The following NBPF10 variants were observed in gnomAD, a reference collection of about 807,000 sequenced individuals.
The protein encoded by NBPF10 is NBPF family member NBPF10.
In NBPF10, 63 loss-of-function variants were observed where a neutral mutation model predicts 77.9. That is an observed-to-expected ratio of 0.81 (90% CI 0.66 to 1.00). NBPF10 has a LOEUF of 1.00. Ranked by LOEUF, NBPF10 falls within the 50% of genes least tolerant of loss-of-function variation. The probability of loss-of-function intolerance (pLI) is 0.00; values close to 1 mark genes in which losing one functional copy is unlikely to be tolerated. For synonymous variants in NBPF10, 146 were observed against 264.5 expected (o/e 0.55, Z 4.35); for missense variants, 522 against 679.8 (o/e 0.77, Z 2.58).
At chr1:146,126,594 A>G (rs1658702780) in intron 13 of NBPF10, among the ~76,000 whole-genome samples, 186 bp from the exon 14 acceptor site, 1 of 78,724 alleles carries the variant, frequency 1.3e-5, no homozygotes, top group Admixed American at 1.7e-4. Context: ...ATGAACGAGA[A>G]AGACACACAC....
At chr1:146,139,092 C>A (rs201206639) in intron 5 of NBPF10, among the ~76,000 whole-genome samples, 1 of 82,452 alleles carries the variant, frequency 1.2e-5, no homozygotes, top group Non-Finnish European at 2.4e-5. Flanking sequence ...CAGAGACTTA[C>A]TTTTTTTTTT....
chr1:146,126,185 C>A (rs1237448250), intron 14 of NBPF10, 51 bp downstream of exon 14: 32 of 1,004,616 alleles, frequency 3.2e-5, no homozygotes, highest in Non-Finnish European at 5.1e-5. Flanking sequence ...GAATATGACC[C>A]TAACCAGAAG....
intron 23 of NBPF10, among the ~76,000 whole-genome samples, chr1:146,118,789 C>CAG (rs781855619): frequency 0.1 from 520 of 4,964 alleles, 166 homozygotes; most frequent in Middle Eastern, 0.14. Flanking sequence ...CACACACACA[C>CAG]AGAGAGAGAG....
chr1:146,123,547 A>G (rs1396748222), intron 17 of NBPF10, among the ~76,000 whole-genome samples: 1 of 105,556 alleles, frequency 9.5e-6, no homozygotes, highest in African/African-American at 4.8e-5. Flanking sequence ...GAACGAGCTC[A>G]GTGAATTGTC....
At chr1:146,084,065 A>C (rs1656515763) in intron 67 of NBPF10, among the ~76,000 whole-genome samples, 156 bp from the exon 68 acceptor site, 1 of 148,862 alleles carries the variant, frequency 6.7e-6, no homozygotes, top group Non-Finnish European at 1.5e-5. Flanking sequence ...TTGGGACAGA[A>C]CAGGGCCAGG....
intron 14 of NBPF10, among the ~76,000 whole-genome samples, chr1:146,125,793 C>G (rs587608503): frequency 1.4e-5 from 2 of 147,024 alleles, no homozygotes; most frequent in African/African-American, 2.6e-5. Flanking sequence ...TTTTTCCAAT[C>G]GATTTAAAGC....
chr1:146,067,153 T>A (rs1553777832), intron 89 of NBPF10, 27 bp downstream of exon 89: 3 of 617,764 alleles, frequency 4.9e-6, no homozygotes, highest in Admixed American at 4.3e-5. Context: ...AACACAGAAC[T>A]AAGGATCCAC....
At chr1:146,126,033 A>G (rs1208209901) in intron 14 of NBPF10, among the ~76,000 whole-genome samples, 2 of 151,760 alleles carry the variant, frequency 1.3e-5, no homozygotes, top group African/African-American at 2.4e-5. Context: ...ATGGCCTGAG[A>G]CTAGGAAGAG....
chr1:146,067,575 G>C (rs1553778188), intron 88 of NBPF10, among the ~76,000 whole-genome samples: 1 of 150,032 alleles, frequency 6.7e-6, no homozygotes, highest in African/African-American at 2.5e-5. Flanking sequence ...TCAACGTAAA[G>C]CAAATACCCT....
At chr1:146,069,611 C>G in exon 86 of NBPF10, 1 of 1,567,686 alleles carries the variant, frequency 6.4e-7, no homozygotes, top group African/African-American at 1.5e-5. Context: ...GTAGGGCTGG[C>G]ATGAGTCACA....
chr1:146,126,612 C>G (rs1658711500), intron 13 of NBPF10, among the ~76,000 whole-genome samples: 1 of 139,134 alleles, frequency 7.2e-6, no homozygotes, highest in Non-Finnish European at 1.6e-5. Context: ...CACACACACA[C>G]ACACACACAC....
chr1:146,067,551 C>A (rs1183318538), intron 88 of NBPF10, among the ~76,000 whole-genome samples: 1 of 149,870 alleles, frequency 6.7e-6, no homozygotes, highest in Non-Finnish European at 1.5e-5. Flanking sequence ...AACAGTTACG[C>A]CATATTTTTC....
At chr1:146,126,153 C>G (rs1298976408) in intron 14 of NBPF10, 83 bp downstream of exon 14, 3 of 884,970 alleles carry the variant, frequency 3.4e-6, no homozygotes, top group African/African-American at 3.3e-5. Flanking sequence ...TCTCTCAGCT[C>G]AGTAACGGCC....
Position 146,129,909 on chromosome 1 carries a change from A to C in NBPF10, c.1638-1627T>G, listed in dbSNP as rs199726878. On this transcript the variant is annotated intron_variant, in intron 11 of 89. Coordinates refer to ENST00000583866, the Ensembl canonical transcript of NBPF10. The stretch of plus-strand genomic sequence containing the variant: ...TTTGTGTGTATGTATATATATATAT[A>C]TATTTTTTAATACTTTAAGTCTTAG... Among the ~76,000 whole-genome samples, 115 of 104,258 alleles carry C rather than the reference A, an allele frequency of 1.1e-3. 21 individuals are homozygous for C. In the South Asian group the frequency reaches 0.018, roughly 16 times the overall value. The allele number at this position is 104,258 out of a possible 152,430, so 68.4% of individuals were successfully genotyped here.
chr1:146,126,169 C>G, intron 14 of NBPF10, 67 bp downstream of exon 14: 1 of 911,894 alleles, frequency 1.1e-6, no homozygotes, highest in South Asian at 1.3e-5. Flanking sequence ...CGGCCACTTG[C>G]AGTAGGAATA....
At chr1:146,136,077 T>C (rs1190167045) in intron 7 of NBPF10, among the ~76,000 whole-genome samples, 11 of 149,036 alleles carry the variant, frequency 7.4e-5, no homozygotes, top group Admixed American at 7.3e-4. Context: ...AATGCTGCTG[T>C]GTGGTTCACA....
At position 146,126,414 on chromosome 1, in the gene NBPF10, A is replaced by G. The variant is rs1553790001; in HGVS notation, c.1854-6T>C. 4.4e-6 allele frequency: 5 copies of G among 1,129,644 alleles called. 1 individual carries two copies. The highest frequency in any genetic ancestry group is 2.5e-5 in the South Asian group (2 of 80,800). The allele number at this position is 1,129,644 out of a possible 1,614,324, so 70.0% of individuals were successfully genotyped here. The stretch of plus-strand genomic sequence containing the variant: ...CCAGCAGCTCCCTGCTGAGCGTGGA[A>G]AAGTAGGAAAAAGTAAAGAATAAGC... On this transcript the variant is annotated splice_region_variant and splice_polypyrimidine_tract_variant and intron_variant, in intron 13 of 89. Transcript: ENST00000583866.
intron 5 of NBPF10, among the ~76,000 whole-genome samples, chr1:146,139,092 CTTTTTT>C (rs782186835): frequency 5.8e-3 from 477 of 82,110 alleles, no homozygotes; most frequent in African/African-American, 0.016. Flanking sequence ...CAGAGACTTA[CTTTTTT>C]TTTTTTTTTT....
intron 14 of NBPF10, among the ~76,000 whole-genome samples, chr1:146,125,893 T>G (rs71255521): frequency 6.6e-6 from 1 of 151,382 alleles, no homozygotes. Flanking sequence ...GCGAGGATTT[T>G]AGACGCTGAA....
Sources: gnomAD v4.1 joint callset for allele counts (sites outside exome capture counted in the v4.1 genomes callset) on GRCh38, gnomAD v4.1.1 for gene constraint, MANE v1.5 for transcripts, NCBI Gene and HGNC (gene_info 2026-07-23, HGNC 2026-07-21) for gene names.